The following PCDHGA3 variants were observed in gnomAD, a reference collection of about 807,000 sequenced individuals.
PCDHGA3 encodes the protein protocadherin gamma subfamily A, 3.
In PCDHGA3, 40 loss-of-function variants were observed where a neutral mutation model predicts 58.5. The observed-to-expected ratio is 0.68, with a 90% CI of 0.53 to 0.89. The LOEUF (loss-of-function observed/expected upper bound fraction) is 0.89, where lower values mean the gene tolerates loss of function less well. PCDHGA3 is among the 40% of genes least tolerant of loss of function. PCDHGA3 has a pLI of 0.00. For missense variants in PCDHGA3, 1,223 were observed against 1,195.9 expected (o/e 1.02, Z -0.33); for synonymous variants, 530 against 525.7 (o/e 1.01, Z -0.11).
Position 141,344,742 on chromosome 5 carries a change from G to C in PCDHGA3, c.709G>C (p.Asp237His). Residue 237 changes from aspartate to histidine, a missense_variant, in exon 1 of 4, where the codon GAC (aspartate) becomes CAC (histidine). This residue lies in a region of PCDHGA3 where 791 missense variants were observed against 708.5 expected (regional missense o/e 1.12). Transcript: ENST00000253812. ...HIQVIVLDAN[D>H]NPPMFTQPEY... ...CCAAGTGATAGTCCTGGATGCAAAT[G>C]ACAACCCACCAATGTTTACTCAGCC... 6.2e-7 allele frequency: 1 copy of C among 1,613,990 alleles called. No homozygotes were observed. The highest frequency in any genetic ancestry group is 8.5e-7 in the Non-Finnish European group (1 of 1,179,902).
chr5:141,424,776 A>G (rs1406581367), intron 1 of PCDHGA3: 2 of 152,154 alleles, frequency 1.3e-5, no homozygotes, highest in African/African-American at 4.8e-5. Context: ...CAAATAGTAC[A>G]TTCAGTTCTT....
At chr5:141,415,177 G>A (rs758980730) in intron 1 of PCDHGA3, 26 of 1,613,808 alleles carry the variant, frequency 1.6e-5, no homozygotes, top group East Asian at 4.5e-5. Flanking sequence ...CACCGTGGCC[G>A]TGGCCGACAG....
intron 1 of PCDHGA3, among the ~76,000 whole-genome samples, chr5:141,347,325 T>C (rs996360835): frequency 3.3e-5 from 5 of 151,864 alleles, no homozygotes; most frequent in Non-Finnish European, 5.9e-5. Context: ...GCTAATTTGT[T>C]TTTGTTTTTG....
intron 1 of PCDHGA3, chr5:141,404,536 G>A: frequency 6.2e-7 from 1 of 1,613,922 alleles, no homozygotes; most frequent in Non-Finnish European, 8.5e-7. Flanking sequence ...TTAGAGATTT[G>A]CAAATGCAGG....
At chr5:141,362,573 T>G (rs754606560) in intron 1 of PCDHGA3, 21 of 1,605,662 alleles carry the variant, frequency 1.3e-5, no homozygotes, top group Non-Finnish European at 1.7e-5. Context: ...TTTAATTAAT[T>G]TATTTTCACT....
At position 141,432,458 on chromosome 5, in the gene PCDHGA3, C is replaced by T. The variant is rs1368524835; in HGVS notation, c.2425-62349C>T. 1.9e-6 allele frequency: 3 copies of T among 1,614,136 alleles called. No individual in the cohort carries two copies. The highest frequency in any genetic ancestry group is 8.5e-7 in the Non-Finnish European group (1 of 1,180,066). ...TGCGCCCGAGATCCTGTACCCCGCC[C>T]TCCCCACGGACGGTTCCACTGGCGT... On this transcript the variant is annotated intron_variant, in intron 1 of 3. Transcript: ENST00000253812. This position sits in a 1 kb window ranked among gnomAD's most constrained non-coding sequence, Gnocchi z 6.0.
intron 1 of PCDHGA3, chr5:141,366,889 A>G (rs1764852255): frequency 1.6e-6 from 2 of 1,264,154 alleles, no homozygotes; most frequent in African/African-American, 1.5e-5. Flanking sequence ...TTTTTTTTAT[A>G]TAATTCATGC....
chr5:141,505,343 G>C (rs2099845454), intron 2 of PCDHGA3, 50 bp from the exon 3 acceptor site: 1 of 1,612,934 alleles, frequency 6.2e-7, no homozygotes, highest in Non-Finnish European at 8.5e-7. Context: ...GGAGGGGCAT[G>C]AGCTGTGCCG....
At chr5:141,385,263 T>C in intron 1 of PCDHGA3, 1 of 1,613,672 alleles carries the variant, frequency 6.2e-7, no homozygotes, top group Non-Finnish European at 8.5e-7. Flanking sequence ...GTGAGAAAAA[T>C]GATTCTTTGC....
chr5:141,489,800 A>G lies in PCDHGA3; in HGVS notation c.2425-5007A>G. 6.2e-7 allele frequency: 1 copy of G among 1,614,166 alleles called. No homozygotes were observed. Among genetic ancestry groups the G allele is most frequent in the Non-Finnish European group, 8.5e-7 (1 of 1,179,994 alleles). On this transcript the variant is annotated intron_variant, in intron 1 of 3. Coordinates refer to ENST00000253812, the MANE Select transcript of PCDHGA3 (RefSeq NM_018916.4). This position sits in a 1 kb window ranked among gnomAD's most constrained non-coding sequence, Gnocchi z 4.5. ...TCTCTGAATGTGAAGACCCTAAAAG[A>G]TGGGAAGCCATTCCCAGAGCTGGTG...
At chr5:141,426,398 C>A (rs1264385461) in intron 1 of PCDHGA3, 3 of 257,270 alleles carry the variant, frequency 1.2e-5, no homozygotes, top group Non-Finnish European at 2.3e-5. Context: ...TACTCTATTC[C>A]AGAAGAAACG....
chr5:141,414,212 A>G (rs778319178), intron 1 of PCDHGA3: 1 of 1,612,944 alleles, frequency 6.2e-7, no homozygotes, highest in Admixed American at 1.7e-5. Flanking sequence ...GATGTAAATG[A>G]CAACAGTCCA....
At chr5:141,458,615 G>A (rs2098949624) in intron 1 of PCDHGA3, among the ~76,000 whole-genome samples, 1 of 152,088 alleles carries the variant, frequency 6.6e-6, no homozygotes, top group Admixed American at 6.6e-5. Flanking sequence ...TGTCAGCCAG[G>A]CTGGAGTGCA....
At chr5:141,372,125 G>A in intron 1 of PCDHGA3, 2 of 1,613,718 alleles carry the variant, frequency 1.2e-6, no homozygotes, top group East Asian at 2.2e-5. Context: ...TCTTCGATAT[G>A]GTGCCGCGCT....
Position 141,510,946 on chromosome 5 carries a change from GA to G in PCDHGA3, c.2574del (p.Ala859LeufsTer17). The G allele has an allele frequency of 6.2e-7, 1 of 1,614,128 alleles. No homozygotes were observed. ...LQAMILASAS[E>X]AADGSSTLGG... ...CACCTGATCTTCCTCTGTCTCTGCA[GA>G]AGCTGCTGATGGGAGCTCCACCCTG... On this transcript the variant is annotated frameshift_variant and splice_region_variant, in exon 4 of 4. Coordinates refer to ENST00000253812, the MANE Select transcript of PCDHGA3 (RefSeq NM_018916.4). LOFTEE classifies it high-confidence loss of function.
rs368153419 is a variant in PCDHGA3 at position 141,476,458 on chromosome 5, C to T, written c.2425-18349C>T. 1 of 1,614,044 alleles carries T rather than the reference C, an allele frequency of 6.2e-7. No homozygotes were observed. Among genetic ancestry groups the T allele is most frequent in the Non-Finnish European group, 8.5e-7 (1 of 1,180,014 alleles). On this transcript the variant is annotated intron_variant, in intron 1 of 3. Coordinates refer to ENST00000253812, the MANE Select transcript of PCDHGA3 (RefSeq NM_018916.4). The surrounding 1 kb of genome is among the most constrained non-coding windows in gnomAD (Gnocchi z 7.6). ...TAACTCTGGAGTTGGTAGTGGAGAA[C>T]CCGCTGGAGCTGTTCAGCGTGGAAG...
intron 2 of PCDHGA3, among the ~76,000 whole-genome samples, chr5:141,497,894 A>AG (rs1562181617): frequency 2.0e-5 from 3 of 152,186 alleles, no homozygotes; most frequent in Admixed American, 6.5e-5. Context: ...GATCTAGTCC[A>AG]GTAACTTCAA....
intron 1 of PCDHGA3, among the ~76,000 whole-genome samples, chr5:141,482,530 C>CAAAAAAAAAAAAAAAAAAAAAA (rs3074545): frequency 1.3e-5 from 1 of 76,562 alleles, no homozygotes. Context: ...GACAGACATG[C>CAAAAAAAAAAAAAAAAAAAAAA]AAAAAAAAAA....
intron 1 of PCDHGA3, chr5:141,350,440 A>G (rs1272491529): frequency 6.2e-7 from 1 of 1,610,678 alleles, no homozygotes; most frequent in African/African-American, 1.3e-5. Context: ...GGGAGTTGCC[A>G]ACTCGAAAAC....
Sources: gnomAD v4.1 joint callset for allele counts (sites outside exome capture counted in the v4.1 genomes callset) on GRCh38, gnomAD v4.1.1 for gene constraint, gnomAD v4.1.1 regional missense constraint, Gnocchi (gnomAD v3.1) non-coding constraint, MANE v1.5 for transcripts, NCBI Gene and HGNC (gene_info 2026-07-23, HGNC 2026-07-21) for gene names.